CELF2: variants seen among roughly 807,000 people sequenced by gnomAD.
The protein encoded by CELF2 is CUGBP Elav-like family member 2, also known as CUG triplet repeat RNA-binding protein 2.
Under a neutral mutation model 62.6 loss-of-function variants are expected in CELF2, and 8 were observed. That is an observed-to-expected ratio of 0.13 (90% confidence interval 0.07 to 0.23). The LOEUF is 0.23. Among genes scored for constraint, CELF2 ranks in the 10% least tolerant of loss-of-function variants. CELF2 has a pLI of 1.00. For synonymous variants in CELF2, 258 were observed against 250.0 expected (o/e 1.03, Z -0.30); for missense variants, 333 against 671.0 (o/e 0.50, Z 5.56).
chr10:10,763,681 G>A, the CELF2 span, among the ~76,000 whole-genome samples: 1 of 152,136 alleles, frequency 6.6e-6, no homozygotes, highest in Admixed American at 6.5e-5. Context: ...AGGCACGAAC[G>A]CGGGAACAGA....
intron 2 of CELF2, among the ~76,000 whole-genome samples, chr10:10,977,919 G>C (rs886469892): frequency 2.6e-5 from 4 of 152,130 alleles, no homozygotes; most frequent in Non-Finnish European, 5.9e-5. Flanking sequence ...ATATGCACAA[G>C]AAGTTAAAAC....
chr10:11,126,200 T>G (rs1431758400), intron 1 of CELF2, among the ~76,000 whole-genome samples: 1 of 152,214 alleles, frequency 6.6e-6, no homozygotes, highest in East Asian at 1.9e-4. Flanking sequence ...TATTTTTAAT[T>G]TTCTGCCTTT....
At chr10:10,942,613 G>C (rs948536877) in intron 2 of CELF2, among the ~76,000 whole-genome samples, 2 of 152,148 alleles carry the variant, frequency 1.3e-5, no homozygotes, top group African/African-American at 4.8e-5. Context: ...TGCCATCCCT[G>C]TTACTGCACT....
chr10:10,924,688 A>G (rs1472156546), intron 2 of CELF2, among the ~76,000 whole-genome samples: 1 of 133,316 alleles, frequency 7.5e-6, no homozygotes, highest in Non-Finnish European at 1.6e-5. Context: ...AAAAATTTAG[A>G]CTTTTCTCTT....
chr10:10,485,096 G>A, the CELF2 span, among the ~76,000 whole-genome samples: 13 of 152,200 alleles, frequency 8.5e-5, no homozygotes, highest in African/African-American at 2.6e-4. Flanking sequence ...GATCTGCCAA[G>A]GGGATTGGCC....
chr10:10,798,675 C>A (rs978136219), exon 1 of CELF2: 1 of 398,724 alleles, frequency 2.5e-6, no homozygotes, highest in African/African-American at 2.1e-5. Context: ...GCGCCAGGGC[C>A]CGGCCTGGGT....
intron 1 of CELF2, among the ~76,000 whole-genome samples, chr10:11,064,437 T>C (rs2067555509): frequency 6.6e-6 from 1 of 152,228 alleles, no homozygotes; most frequent in Non-Finnish European, 1.5e-5. Context: ...GCTTTTCTTT[T>C]TTCTGGAACA....
the CELF2 span, among the ~76,000 whole-genome samples, chr10:10,525,372 T>A: frequency 6.6e-6 from 1 of 151,950 alleles, no homozygotes; most frequent in Admixed American, 6.6e-5. Context: ...TTTTTGCAAT[T>A]TTTTTTTAGC....
At chr10:11,275,861 G>C (rs550198534) in intron 8 of CELF2, among the ~76,000 whole-genome samples, 6 of 152,144 alleles carry the variant, frequency 3.9e-5, no homozygotes, top group East Asian at 1.9e-4. Flanking sequence ...GGAAGGCAGC[G>C]AGCGCAATAA....
chr10:10,656,904 C>T, the CELF2 span, among the ~76,000 whole-genome samples: 1 of 143,374 alleles, frequency 7.0e-6, no homozygotes, highest in Admixed American at 7.0e-5. Context: ...ATAACTTGCA[C>T]ATGGTAGAAT....
intron 2 of CELF2, among the ~76,000 whole-genome samples, chr10:11,184,178 T>C (rs1173861112): frequency 6.6e-6 from 1 of 152,218 alleles, no homozygotes; most frequent in Non-Finnish European, 1.5e-5. Context: ...TGATTGCTTT[T>C]GTATATGTGT....
chr10:10,839,916 G>A (rs988534255), intron 1 of CELF2, among the ~76,000 whole-genome samples: 3 of 152,138 alleles, frequency 2.0e-5, no homozygotes, highest in Non-Finnish European at 2.9e-5. Context: ...ATATTTAACT[G>A]TTTTTGTAAT....
chr10:11,027,269 A>G (rs1258639022), intron 1 of CELF2, among the ~76,000 whole-genome samples: 1 of 152,012 alleles, frequency 6.6e-6, no homozygotes, highest in Non-Finnish European at 1.5e-5. Context: ...TCTTTTCACC[A>G]CAAGCTCATG....
At chr10:10,631,923 A>AT in the CELF2 span, among the ~76,000 whole-genome samples, 1 of 152,200 alleles carries the variant, frequency 6.6e-6, no homozygotes, top group South Asian at 2.1e-4. Context: ...GCAAGGCTAC[A>AT]TTTTTTGGAG....
chr10:11,297,457 C>T lies in CELF2; in HGVS notation c.976+8905C>T, dbSNP rs979828641. ...GGTCTGTGCTTGTGGAACAGAGGGA[C>T]CAGGGGATGGAAAGGGAGCTTTCTG... is the stretch of plus-strand genomic sequence containing the variant. On this transcript the variant is annotated intron_variant, in intron 9 of 12. Transcript: ENST00000633077. This position sits in a 1 kb window ranked among gnomAD's most constrained non-coding sequence, Gnocchi z 4.4. Among the ~76,000 whole-genome samples, 8 of 151,780 alleles carry T rather than the reference C, an allele frequency of 5.3e-5. No homozygotes were observed. Among genetic ancestry groups the T allele is most frequent in the Non-Finnish European group, 4.4e-5 (3 of 67,960 alleles).
chr10:11,037,607 G>A (rs1273587254), intron 1 of CELF2, among the ~76,000 whole-genome samples: 2 of 152,294 alleles, frequency 1.3e-5, no homozygotes, highest in East Asian at 3.9e-4. Flanking sequence ...ACAGCCCCAT[G>A]TCAACAGTTT....
At chr10:10,786,181 C>T in the CELF2 span, among the ~76,000 whole-genome samples, 5 of 152,280 alleles carry the variant, frequency 3.3e-5, no homozygotes, top group South Asian at 6.2e-4. Context: ...CTCACAATTG[C>T]GCCACTGTCT....
At chr10:10,493,252 G>C in the CELF2 span, among the ~76,000 whole-genome samples, 1 of 152,256 alleles carries the variant, frequency 6.6e-6, no homozygotes, top group South Asian at 2.1e-4. Context: ...CAGAAAAGTA[G>C]AATGGTGATT....
intron 1 of CELF2, among the ~76,000 whole-genome samples, chr10:10,864,265 A>G (rs1488666784): frequency 6.6e-6 from 1 of 151,592 alleles, no homozygotes; most frequent in Non-Finnish European, 1.5e-5. Context: ...TTCTTCACCT[A>G]TTAAATCTCA....
Sources: allele counts gnomAD v4.1 joint callset (sites outside exome capture counted in the v4.1 genomes callset), GRCh38; gene constraint gnomAD v4.1.1; non-coding constraint Gnocchi (gnomAD v3.1); transcripts MANE v1.5; gene names NCBI Gene and HGNC (gene_info 2026-07-23, HGNC 2026-07-21).